Variants in DRC12 observed in about 807,000 individuals in gnomAD.
DRC12 encodes the protein dynein regulatory complex subunit 12 homolog, also known as dynein regulatory complex protein 12.
chr11:119,195,539 AG>A, the DRC12 span: 1 of 1,406,110 alleles, frequency 7.1e-7, no homozygotes, highest in East Asian at 2.5e-5. Flanking sequence ...GTCTGGACAC[AG>A]GGATGCTTTC....
chr11:119,190,652 G>T, the DRC12 span: 1 of 1,585,286 alleles, frequency 6.3e-7, no homozygotes. The surrounding 1 kb of genome is among the most constrained non-coding windows in gnomAD (Gnocchi z 4.2). Flanking sequence ...GCTGGGGTTT[G>T]TGGGCATGGG....
At chr11:119,191,975 GC>G in the DRC12 span, among the ~76,000 whole-genome samples, 1 of 119,764 alleles carries the variant, frequency 8.3e-6, no homozygotes, top group African/African-American at 3.5e-5. Context: ...TAAACCGAAG[GC>G]CTTTTTTTTT....
chr11:119,194,896 A>T, the DRC12 span: 1 of 1,534,550 alleles, frequency 6.5e-7, no homozygotes, highest in Non-Finnish European at 8.8e-7. Context: ...CCTGTTGCCC[A>T]CCCATGCCAG....
the DRC12 span, chr11:119,193,123 A>G: frequency 6.3e-7 from 1 of 1,589,560 alleles, no homozygotes; most frequent in South Asian, 1.1e-5. Context: ...TCTTGGAGAG[A>G]AGGGGCTTGG....
At chr11:119,193,609 T>C in the DRC12 span, 3 of 1,442,860 alleles carry the variant, frequency 2.1e-6, no homozygotes, top group African/African-American at 2.9e-5. Context: ...CTTTGGTTCC[T>C]GCAGGATCCT....
chr11:119,194,214 G>A, the DRC12 span, among the ~76,000 whole-genome samples: 1 of 151,838 alleles, frequency 6.6e-6, no homozygotes, highest in Non-Finnish European at 1.5e-5. Context: ...GTGAGACCTT[G>A]TCTCTATAAA....
chr11:119,191,925 A>G, the DRC12 span, among the ~76,000 whole-genome samples: 1 of 151,936 alleles, frequency 6.6e-6, no homozygotes, highest in Non-Finnish European at 1.5e-5. Flanking sequence ...AGGAACCCAG[A>G]GTCTGAATGG....
At chr11:119,194,289 TGG>T in the DRC12 span, among the ~76,000 whole-genome samples, 5 of 151,534 alleles carry the variant, frequency 3.3e-5, no homozygotes, top group African/African-American at 1.2e-4. Flanking sequence ...CCAAGGCTGG[TGG>T]GACACAAGGT....
chr11:119,195,109 A>G, the DRC12 span: 19 of 836,002 alleles, frequency 2.3e-5, no homozygotes, highest in Non-Finnish European at 3.8e-6. Flanking sequence ...GGACCACTAA[A>G]TGAGGTATCC....
chr11:119,190,618 C>A, the DRC12 span: 2 of 1,565,708 alleles, frequency 1.3e-6, no homozygotes, highest in African/African-American at 1.3e-5. This position sits in a 1 kb window ranked among gnomAD's most constrained non-coding sequence, Gnocchi z 4.2. Flanking sequence ...TCTCCTTAAC[C>A]CTGGGTTGTC....
the DRC12 span, chr11:119,193,272 A>G: frequency 6.3e-7 from 1 of 1,593,182 alleles, no homozygotes; most frequent in Non-Finnish European, 8.6e-7. Context: ...GCCACCAGGG[A>G]CCCAGGTTGG....
At chr11:119,193,573 G>A in the DRC12 span, 1 of 1,433,510 alleles carries the variant, frequency 7.0e-7, no homozygotes, top group African/African-American at 1.4e-5. Context: ...GAAGGCCCCT[G>A]CCTGGGATCC....
At chr11:119,195,408 A>G in the DRC12 span, 2 of 1,549,692 alleles carry the variant, frequency 1.3e-6, no homozygotes, top group South Asian at 1.2e-5. Context: ...GGGCACCTCC[A>G]CCCACCATGA....
At chr11:119,194,515 CAAAAAAAAAA>C in the DRC12 span, among the ~76,000 whole-genome samples, 5 of 27,484 alleles carry the variant, frequency 1.8e-4, no homozygotes, top group Admixed American at 5.2e-4. Flanking sequence ...GACTCTGTCT[CAAAAAAAAAA>C]AAAAAAAAAA....
chr11:119,193,152 T>A, the DRC12 span: 5 of 1,613,728 alleles, frequency 3.1e-6, no homozygotes, highest in East Asian at 1.1e-4. Flanking sequence ...GAAACCTACC[T>A]AGCTGCCCCC....
chr11:119,192,821 A>C, the DRC12 span, among the ~76,000 whole-genome samples: 3 of 151,936 alleles, frequency 2.0e-5, no homozygotes, highest in Non-Finnish European at 4.4e-5. Context: ...TAATTTTTAT[A>C]TTTTTAGTAG....
At chr11:119,191,104 CTTT>C in the DRC12 span, among the ~76,000 whole-genome samples, 6 of 143,478 alleles carry the variant, frequency 4.2e-5, no homozygotes, top group Admixed American at 7.0e-5. Flanking sequence ...GTGTCTTCAT[CTTT>C]TTTTTTTTTT....
chr11:119,192,280 G>A, the DRC12 span, among the ~76,000 whole-genome samples: 1 of 151,936 alleles, frequency 6.6e-6, no homozygotes, highest in Non-Finnish European at 1.5e-5. Flanking sequence ...CCGGTTGAAG[G>A]CATTTTTAAG....
At chr11:119,193,040 C>T in the DRC12 span, 1 of 945,092 alleles carries the variant, frequency 1.1e-6, no homozygotes. Context: ...GAAAGTGATC[C>T]AAGAGCCCAG....
Sources: allele counts gnomAD v4.1 joint callset (sites outside exome capture counted in the v4.1 genomes callset), GRCh38; gene constraint gnomAD v4.1.1; non-coding constraint Gnocchi (gnomAD v3.1); transcripts MANE v1.5; gene names NCBI Gene and HGNC (gene_info 2026-07-23, HGNC 2026-07-21).